The following SPACA7 variants were observed in gnomAD, a reference collection of about 807,000 sequenced individuals.
SPACA7 encodes sperm acrosome associated 7, also known as sperm acrosome-associated protein 7.
SPACA7 carries 19 observed loss-of-function variants against 26.3 expected under a neutral mutation model. The ratio of observed to expected loss-of-function variants is 0.72; its 90% confidence interval spans 0.50 to 1.06. The LOEUF is 1.06. Ranked by LOEUF, SPACA7 falls within the 50% of genes least tolerant of loss-of-function variation. The pLI is 0.00. For synonymous variants in SPACA7, 84 were observed against 84.5 expected, an observed-to-expected ratio of 0.99 and a Z score of 0.04; for missense variants, 211 against 229.9, an observed-to-expected ratio of 0.92 and a Z score of 0.53.
chr13:112,383,158 AAAGAAAGAAAGAAAGAAAGAAAG>A (rs1310135976), intron 1 of SPACA7, among the ~76,000 whole-genome samples: 2 of 135,976 alleles, frequency 1.5e-5, no homozygotes, highest in African/African-American at 3.0e-5. Flanking sequence ...AGAAAGAAAG[AAAGAAAGAAAGAAAGAAAGAAAG>A]AAAGAAAGAA....
chr13:112,427,872 C>T (rs1876690060), intron 5 of SPACA7, among the ~76,000 whole-genome samples: 1 of 152,060 alleles, frequency 6.6e-6, no homozygotes, highest in Non-Finnish European at 1.5e-5. Context: ...TTTTCAGTGT[C>T]TGCAGGAACT....
intron 5 of SPACA7, among the ~76,000 whole-genome samples, chr13:112,425,405 G>A (rs1467942269): frequency 6.6e-6 from 1 of 152,250 alleles, no homozygotes; most frequent in African/African-American, 2.4e-5. Context: ...CTGGTAGTTA[G>A]GAAATGGGAT....
intron 5 of SPACA7, among the ~76,000 whole-genome samples, chr13:112,407,173 A>AACAAAG (rs1246713255): frequency 6.6e-6 from 1 of 152,218 alleles, no homozygotes; most frequent in Middle Eastern, 3.2e-3. Context: ...AACCAATGAG[A>AACAAAG]ACAAAGACAC....
chr13:112,432,045 A>C (rs1007351113), intron 5 of SPACA7, among the ~76,000 whole-genome samples: 34 of 152,218 alleles, frequency 2.2e-4, no homozygotes, highest in African/African-American at 8.2e-4. Context: ...GTCCGGGTCC[A>C]AGGACCACGG....
chr13:112,401,004 C>A, intron 4 of SPACA7, 65 bp from the exon 5 acceptor site: 1 of 1,163,416 alleles, frequency 8.6e-7, no homozygotes, highest in South Asian at 1.3e-5. Context: ...AAATAAATGA[C>A]CAAAGTGCTT....
chr13:112,415,785 G>A (rs1362059667), intron 5 of SPACA7, among the ~76,000 whole-genome samples: 2 of 152,114 alleles, frequency 1.3e-5, no homozygotes, highest in African/African-American at 4.8e-5. Context: ...ATTTATTTGG[G>A]ACCTATGGCC....
chr13:112,432,296 C>G lies in SPACA7; in HGVS notation c.446-148C>G. On this transcript the variant is annotated intron_variant, in intron 5 of 6. Transcript: ENST00000283550. ...GATGGCCTCGCCTGAGGCTGTGTCT[C>G]GAGAAGCTGCAGCACCTCACCCCGC... 6 of 610,294 alleles carry G rather than the reference C, an allele frequency of 9.8e-6. 1 individual carries two copies. In the South Asian group the frequency reaches 1.3e-4, roughly 14 times the overall value. The allele number at this position is 610,294 out of a possible 1,614,324, so 37.8% of individuals were successfully genotyped here.
chr13:112,405,280 C>A (rs1885913864), intron 5 of SPACA7, among the ~76,000 whole-genome samples: 1 of 152,002 alleles, frequency 6.6e-6, no homozygotes, highest in African/African-American at 2.4e-5. Flanking sequence ...CACTTTCTTG[C>A]TCTTTTTCTA....
intron 2 of SPACA7, 59 bp downstream of exon 2, chr13:112,393,136 C>T: frequency 7.0e-7 from 1 of 1,422,776 alleles, no homozygotes; most frequent in Non-Finnish European, 9.8e-7. Flanking sequence ...GGATGGTTGT[C>T]TGTGGCTGTT....
intron 5 of SPACA7, among the ~76,000 whole-genome samples, chr13:112,415,567 C>T (rs975793362): frequency 3.3e-5 from 5 of 152,076 alleles, no homozygotes; most frequent in African/African-American, 1.2e-4. Flanking sequence ...GCAAAGGCCC[C>T]TGTACTCTTT....
At position 112,432,516 on chromosome 13, in the gene SPACA7, C is replaced by T; in HGVS notation, c.518C>T (p.Ser173Phe). Reference sequence around the variant, plus strand: ...CAAATCCTTCAAAATATTGGAAGATCTTCAGGTAGATTGGAAATAATAGAT... The same window carrying T: ...CAAATCCTTCAAAATATTGGAAGATTTTCAGGTAGATTGGAAATAATAGAT... The part of the protein sequence containing the change: ...LDQILQNIGR[S>F]SGNIFHKEQQ... Residue 173 changes from serine (S) to phenylalanine (F), a missense_variant, in exon 6 of 7, where the codon TCT becomes TTT. Physicochemically the swap from Ser to Phe is radical, Grantham distance 155. Transcript: ENST00000283550. 1.3e-6 allele frequency: 2 copies of T among 1,597,870 alleles called. No individual in the cohort carries two copies. Among genetic ancestry groups the T allele is most frequent in the Non-Finnish European group, 1.7e-6 (2 of 1,165,118 alleles).
chr13:112,422,122 AAAG>A (rs1876046797), intron 5 of SPACA7, among the ~76,000 whole-genome samples: 1 of 152,228 alleles, frequency 6.6e-6, no homozygotes, highest in Non-Finnish European at 1.5e-5. Context: ...AAAAAAGAAG[AAAG>A]AAGAAAATTG....
intron 2 of SPACA7, among the ~76,000 whole-genome samples, chr13:112,395,952 G>A (rs35674629): frequency 0.22 from 33,503 of 151,464 alleles, 3,882 homozygotes; most frequent in South Asian, 0.37. Context: ...CCCGAGGGTA[G>A]GGAGGCCCGT....
intron 5 of SPACA7, among the ~76,000 whole-genome samples, chr13:112,421,188 A>G (rs901377884): frequency 6.6e-6 from 1 of 151,264 alleles, no homozygotes; most frequent in Non-Finnish European, 1.5e-5. Flanking sequence ...TTGAAATACA[A>G]TTGAATCTCC....
At chr13:112,410,006 C>T (rs901695813) in intron 5 of SPACA7, among the ~76,000 whole-genome samples, 11 of 152,098 alleles carry the variant, frequency 7.2e-5, no homozygotes, top group Non-Finnish European at 1.0e-4. Flanking sequence ...GAAAATGTGG[C>T]ACATATACAC....
At chr13:112,413,147 CCTGT>C (rs1275055628) in intron 5 of SPACA7, among the ~76,000 whole-genome samples, 1 of 152,262 alleles carries the variant, frequency 6.6e-6, no homozygotes, top group East Asian at 1.9e-4. Context: ...TCTGAATTTT[CCTGT>C]CTGCTGACTT....
chr13:112,405,728 T>G (rs1353839842), intron 5 of SPACA7, among the ~76,000 whole-genome samples: 5 of 152,204 alleles, frequency 3.3e-5, no homozygotes, highest in Non-Finnish European at 5.9e-5. Flanking sequence ...TTACACCTAT[T>G]CAACCTGTCT....
rs542077642 is a variant in SPACA7 at position 112,425,679 on chromosome 13, A to T, written c.446-6765A>T. 8.5e-4 allele frequency among the ~76,000 whole-genome samples: 129 copies of T among 152,042 alleles called. 1 individual carries two copies. The Middle Eastern group carries it at 0.021, about 24-fold the overall frequency. ...GACAGGGAGACAAAGAAGATGTGTG[A>T]GAGAGAGAGAGAAGCTCTCACAGCG... is the stretch of plus-strand genomic sequence containing the variant. On this transcript the variant is annotated intron_variant, in intron 5 of 6. Transcript: ENST00000283550.
intron 1 of SPACA7, among the ~76,000 whole-genome samples, chr13:112,383,677 T>C (rs1884352490): frequency 6.6e-6 from 1 of 152,204 alleles, no homozygotes. Context: ...GAAAGTGACA[T>C]TTTTTATTTA....
Sources: gnomAD v4.1 joint callset for allele counts (sites outside exome capture counted in the v4.1 genomes callset) on GRCh38, gnomAD v4.1.1 for gene constraint, MANE v1.5 for transcripts, NCBI Gene and HGNC (gene_info 2026-07-23, HGNC 2026-07-21) for gene names.